The following DIP2A variants were observed in gnomAD, a reference collection of about 807,000 sequenced individuals.
The protein encoded by DIP2A is disco-interacting protein 2 homolog A.
DIP2A carries 85 observed loss-of-function variants against 177.4 expected under a neutral mutation model. The ratio of observed to expected loss-of-function variants is 0.48; its 90% CI spans 0.40 to 0.57. The LOEUF is 0.57. Ranked by LOEUF, DIP2A falls within the 20% of genes least tolerant of loss-of-function variation. The pLI is 0.00. For synonymous variants in DIP2A, 886 were observed against 881.8 expected, an observed-to-expected ratio of 1.00 and a Z score of -0.08; for missense variants, 1,791 against 2,100.2, an observed-to-expected ratio of 0.85 and a Z score of 2.88.
At chr21:46,469,835 A>C (rs544878796) in intron 1 of DIP2A, among the ~76,000 whole-genome samples, 297 of 152,066 alleles carry the variant, frequency 2.0e-3, no homozygotes, top group South Asian at 3.7e-3. Flanking sequence ...TTCCCACATA[A>C]ATCTCCCTTT....
At chr21:46,487,144 A>G (rs572965524) in intron 2 of DIP2A, among the ~76,000 whole-genome samples, 51 of 152,368 alleles carry the variant, frequency 3.3e-4, no homozygotes, top group African/African-American at 1.1e-3. Context: ...GTTTTATTTC[A>G]TAACCTATGT....
In DIP2A at chr21:46,566,403, C is replaced by A. The variant is rs138381902; in HGVS notation, c.4340-157C>A. Among the ~76,000 whole-genome samples, 7 of 152,306 alleles carry A rather than the reference C, an allele frequency of 4.6e-5. No homozygotes were observed. The East Asian group carries it at 1.3e-3, about 29-fold the overall frequency. ...GAGATAACAGCCTGCTCTGCCAGGA[C>A]CTCCATCACCCTTTCTGCACGTGGT... On this transcript the variant is annotated intron_variant, in intron 36 of 37. Coordinates refer to ENST00000417564, the MANE Select transcript of DIP2A (RefSeq NM_015151.4).
Position 46,537,624 on chromosome 21 carries a change from C to A in DIP2A, c.1801+85C>A. On this transcript the variant is annotated intron_variant, in intron 15 of 37. Coordinates refer to ENST00000417564, the MANE Select transcript of DIP2A (RefSeq NM_015151.4). This position sits in a 1 kb window ranked among gnomAD's most constrained non-coding sequence, Gnocchi z 4.1. ...CTTTGGTGCTTAAGAAAAAATAAAG[C>A]TGACATGTGGAACTGCAGATGTAGG... 1 of 1,351,122 alleles carries A rather than the reference C, an allele frequency of 7.4e-7. No individual in the cohort carries two copies. The allele number at this position is 1,351,122 out of a possible 1,614,324, so 83.7% of individuals were successfully genotyped here.
At position 46,551,628 on chromosome 21, in the gene DIP2A, T is replaced by A. The variant is rs780744190; in HGVS notation, c.2840-6T>A. The A allele has an allele frequency of 1.2e-6, 2 of 1,612,998 alleles. No individual in the cohort carries two copies. The highest frequency in any genetic ancestry group is 2.7e-5 in the African/African-American group (2 of 74,894). Reference sequence around the variant, plus strand: ...AGCTTTTCATTCAGAGTTCCCCCGTTTCTAGAGGTTGGACCAGCCTCAATG... The same window carrying A: ...AGCTTTTCATTCAGAGTTCCCCCGTATCTAGAGGTTGGACCAGCCTCAATG... On this transcript the variant is annotated splice_polypyrimidine_tract_variant and splice_region_variant and intron_variant, in intron 23 of 37. Transcript: ENST00000417564.
intron 2 of DIP2A, among the ~76,000 whole-genome samples, chr21:46,488,469 T>C (rs1290118010): frequency 2.0e-5 from 3 of 152,174 alleles, no homozygotes; most frequent in Non-Finnish European, 1.5e-5. Flanking sequence ...GTGTACACAG[T>C]TCAGGGTGTC....
chr21:46,501,055 G>A (rs553985739), intron 5 of DIP2A, among the ~76,000 whole-genome samples: 1 of 152,062 alleles, frequency 6.6e-6, no homozygotes, highest in Non-Finnish European at 1.5e-5. Flanking sequence ...CCTAAATGTT[G>A]GACATAGTTA....
intron 34 of DIP2A, among the ~76,000 whole-genome samples, chr21:46,562,747 T>G (rs760483300): frequency 6.6e-6 from 1 of 152,136 alleles, no homozygotes; most frequent in Non-Finnish European, 1.5e-5. Flanking sequence ...CCGTGTCCCC[T>G]GTTACAGTCA....
At chr21:46,526,526 C>G (rs1166407103) in intron 8 of DIP2A, among the ~76,000 whole-genome samples, 2 of 151,854 alleles carry the variant, frequency 1.3e-5, no homozygotes, top group Admixed American at 1.3e-4. Context: ...TCCTGAGTAG[C>G]TGGGATTACA....
chr21:46,505,222 C>A (rs963900752), intron 6 of DIP2A, among the ~76,000 whole-genome samples: 1 of 152,096 alleles, frequency 6.6e-6, no homozygotes, highest in African/African-American at 2.4e-5. Context: ...ATTGGCTAGA[C>A]ATGTATTTAA....
At position 46,498,876 on chromosome 21, in the gene DIP2A, G is replaced by A; in HGVS notation, c.655+43G>A. The A allele has an allele frequency of 6.4e-7, 1 of 1,562,842 alleles. No homozygotes were observed. Among genetic ancestry groups the A allele is most frequent in the Non-Finnish European group, 8.7e-7 (1 of 1,152,674 alleles). ...GCGGCCCCTGTGCCAGCAGAGCGGG[G>A]TCAGGAGTGTCCAGGACAGAGGAGC... On this transcript the variant is annotated intron_variant, in intron 5 of 37. Transcript: ENST00000417564. This position sits in a 1 kb window ranked among gnomAD's most constrained non-coding sequence, Gnocchi z 4.3.
At position 46,566,623 on chromosome 21, in the gene DIP2A, G is replaced by A. The variant is rs1318396418; in HGVS notation, c.4403G>A (p.Arg1468Gln). ...GAAACTCTGGAGCTCAGAGGCATGC[G>A]GTACCACCCCATCGACATTGAGACC... ...LDETLELRGM[R>Q]YHPIDIETSV... Residue 1468 changes from arginine (R) to glutamine (Q), a missense_variant, in exon 37 of 38, where the codon CGG becomes CAG. Physicochemically the swap from Arg to Gln is conservative, Grantham distance 43. Transcript: ENST00000417564. 7 of 1,614,032 alleles carry A rather than the reference G, an allele frequency of 4.3e-6. No individual in the cohort carries two copies. The highest frequency in any genetic ancestry group is 2.2e-5 in the East Asian group (1 of 44,894).
intron 3 of DIP2A, among the ~76,000 whole-genome samples, chr21:46,495,247 TCTCTCTC>T (rs1568967786): frequency 2.6e-4 from 24 of 94,062 alleles, no homozygotes; most frequent in African/African-American, 1.4e-3. Flanking sequence ...CTCTTCTTTC[TCTCTCTC>T]TCTCTCTCTC....
chr21:46,458,974 G>C lies in DIP2A; in HGVS notation c.-158G>C, dbSNP rs2054021852. The C allele has an allele frequency of 2.1e-6, 1 of 480,238 alleles. No homozygotes were observed. Among genetic ancestry groups the C allele is most frequent in the Non-Finnish European group, 3.3e-6 (1 of 301,906 alleles). 29.7% of individuals were successfully genotyped at this position (480,238 alleles called of 1,614,324 possible). A position where few individuals can be genotyped will look rare whatever the true frequency, so the allele number is the denominator to read the frequency against. On this transcript the variant is annotated 5_prime_UTR_variant, in exon 1 of 38. Transcript: ENST00000417564. ...TCCGCGCTCGTGCCCGCGCGGGTGCGTTGCTGTCCTGGCCGCGCCCCTGTC... is the reference window on the plus strand; with the variant it reads ...TCCGCGCTCGTGCCCGCGCGGGTGCCTTGCTGTCCTGGCCGCGCCCCTGTC...
rs745414036 is a variant in DIP2A, at chr21:46,563,852, T to A, written c.4090-6T>A. 6.2e-7 allele frequency: 1 copy of A among 1,613,258 alleles called. No individual in the cohort carries two copies. On this transcript the variant is annotated splice_region_variant and splice_polypyrimidine_tract_variant and intron_variant, in intron 34 of 37. Transcript: ENST00000417564. The surrounding 1 kb of genome is among the most constrained non-coding windows in gnomAD (Gnocchi z 4.3). The stretch of plus-strand genomic sequence containing the variant: ...TTAACAAGGGACATAGCTCTCCTCC[T>A]TCCAGATCCTCCCCGGCGTGAAGGT...
Position 46,569,162 on chromosome 21 carries a change from A to G in DIP2A, c.*1540A>G, listed in dbSNP as rs2060913869. 6.6e-6 allele frequency: 1 copy of G among 152,174 alleles called. No individual in the cohort carries two copies. Among genetic ancestry groups the G allele is most frequent in the Admixed American group, 6.5e-5 (1 of 15,276 alleles). The allele number at this position is 152,174 out of a possible 1,614,324, so 9.4% of individuals were successfully genotyped here. A position where few individuals can be genotyped will look rare whatever the true frequency, so the allele number is the denominator to read the frequency against. ...GGGTGGCAAATTTTGTGAATCATGCATGCTTCACAGAAACAACCAGGTTTT... is the reference window on the plus strand; with the variant it reads ...GGGTGGCAAATTTTGTGAATCATGCGTGCTTCACAGAAACAACCAGGTTTT... On this transcript the variant is annotated 3_prime_UTR_variant, in exon 38 of 38. Transcript: ENST00000417564.
At chr21:46,581,540 AGTTTTCAGC>A in the DIP2A span, among the ~76,000 whole-genome samples, 1 of 152,024 alleles carries the variant, frequency 6.6e-6, no homozygotes, top group African/African-American at 2.4e-5. Context: ...TGGCTTTTTG[AGTTTTCAGC>A]GTTTTTGCAT....
At chr21:46,489,024 C>T (rs2056850745) in intron 2 of DIP2A, among the ~76,000 whole-genome samples, 1 of 152,162 alleles carries the variant, frequency 6.6e-6, no homozygotes, top group Non-Finnish European at 1.5e-5. Flanking sequence ...TCACAAAAAG[C>T]CAAAAGCCAG....
intron 18 of DIP2A, among the ~76,000 whole-genome samples, chr21:46,544,447 C>T (rs959755422): frequency 2.0e-5 from 3 of 152,080 alleles, no homozygotes; most frequent in Admixed American, 6.5e-5. Flanking sequence ...ATCTCTGCAC[C>T]GCAACCCTCC....
chr21:46,487,703 A>G (rs781038091), intron 2 of DIP2A, among the ~76,000 whole-genome samples: 6 of 152,228 alleles, frequency 3.9e-5, no homozygotes, highest in Admixed American at 6.5e-5. Flanking sequence ...ATATGAAAAA[A>G]TCTTATTCAT....
Sources: allele counts gnomAD v4.1 joint callset (sites outside exome capture counted in the v4.1 genomes callset), GRCh38; gene constraint gnomAD v4.1.1; non-coding constraint Gnocchi (gnomAD v3.1); transcripts MANE v1.5; gene names NCBI Gene and HGNC (gene_info 2026-07-23, HGNC 2026-07-21).